Variants in ESRRB observed in about 807,000 individuals in gnomAD.
ESRRB encodes the protein steroid hormone receptor ERR2.
ESRRB carries 16 observed loss-of-function variants against 46.0 expected under a neutral mutation model. The ratio of observed to expected loss-of-function variants is 0.35; its 90% CI spans 0.24 to 0.53. The LOEUF (loss-of-function observed/expected upper bound fraction) is 0.53, where lower values mean the gene tolerates loss of function less well. Ranked by LOEUF, ESRRB falls within the 20% of genes least tolerant of loss-of-function variation. The pLI, the probability that ESRRB is intolerant of heterozygous loss-of-function variation, is 0.93. For missense variants in ESRRB, 488 were observed against 607.4 expected, an observed-to-expected ratio of 0.80 and a Z score of 2.07; for synonymous variants, 246 against 259.6, an observed-to-expected ratio of 0.95 and a Z score of 0.50.
At chr14:76,489,398 C>T (rs1453893145) in intron 5 of ESRRB, among the ~76,000 whole-genome samples, 1 of 149,116 alleles carries the variant, frequency 6.7e-6, no homozygotes, top group Admixed American at 6.7e-5. Context: ...CTCCCCCGGC[C>T]ACCACAGGCA....
intron 2 of ESRRB, among the ~76,000 whole-genome samples, chr14:76,447,785 C>G (rs1243282697): frequency 6.6e-6 from 1 of 152,154 alleles, no homozygotes; most frequent in Non-Finnish European, 1.5e-5. Context: ...CTTCAGATCA[C>G]TTGACCCAGC....
At chr14:76,353,778 G>A (rs12888057) in intron 1 of ESRRB, among the ~76,000 whole-genome samples, 34 of 151,794 alleles carry the variant, frequency 2.2e-4, no homozygotes, top group African/African-American at 7.2e-4. Flanking sequence ...ATAGTGAGAC[G>A]CTATGTCTCA....
At chr14:76,356,931 CT>C (rs1884385979) in intron 1 of ESRRB, among the ~76,000 whole-genome samples, 1 of 152,160 alleles carries the variant, frequency 6.6e-6, no homozygotes, top group Admixed American at 6.5e-5. Context: ...CTTGTTGGGC[CT>C]TTGATGGCCA....
At chr14:76,358,364 AAAG>A (rs1884418326) in intron 1 of ESRRB, among the ~76,000 whole-genome samples, 2 of 98,046 alleles carry the variant, frequency 2.0e-5, no homozygotes, top group African/African-American at 7.9e-5. Flanking sequence ...AGAAAGAAAG[AAAG>A]AAAGAAAGAA....
chr14:76,469,944 C>CTTTTTTTT (rs1178018542), intron 3 of ESRRB, among the ~76,000 whole-genome samples: 125 of 73,060 alleles, frequency 1.7e-3, no homozygotes, highest in Non-Finnish European at 2.3e-3. Context: ...TTTTTTTTTT[C>CTTTTTTTT]TTTTTTTTTT....
At chr14:76,423,424 G>A (rs867064450) in intron 1 of ESRRB, among the ~76,000 whole-genome samples, 90 of 152,162 alleles carry the variant, frequency 5.9e-4, no homozygotes, top group African/African-American at 1.7e-3. Context: ...GATTACAGGC[G>A]TGAGCCACCG....
intron 1 of ESRRB, among the ~76,000 whole-genome samples, chr14:76,394,322 C>T (rs151156313): frequency 6.1e-4 from 93 of 152,278 alleles, no homozygotes; most frequent in Non-Finnish European, 1.1e-3. Flanking sequence ...TTTGCTGATG[C>T]TCACGACAAT....
chr14:76,313,743 A>G (rs1366361745), intron 1 of ESRRB, among the ~76,000 whole-genome samples: 1 of 152,180 alleles, frequency 6.6e-6, no homozygotes, highest in African/African-American at 2.4e-5. Context: ...TCTACAGTAT[A>G]TCTGTCCATC....
chr14:76,331,433 C>T (rs1305880265), intron 1 of ESRRB, among the ~76,000 whole-genome samples: 2 of 152,174 alleles, frequency 1.3e-5, no homozygotes, highest in Admixed American at 6.5e-5. Flanking sequence ...CACAGCACAG[C>T]GCTGGCTCGT....
chr14:76,432,671 C>CTT (rs529243634), intron 1 of ESRRB, among the ~76,000 whole-genome samples: 6,698 of 111,322 alleles, frequency 0.06, 638 homozygotes, highest in East Asian at 0.19. Context: ...TTCTCTCTCT[C>CTT]TTTTTTTTTT....
At chr14:76,344,874 T>C (rs1595050535) in intron 1 of ESRRB, among the ~76,000 whole-genome samples, 1 of 151,940 alleles carries the variant, frequency 6.6e-6, no homozygotes, top group East Asian at 1.9e-4. Flanking sequence ...AATAATAGTG[T>C]CCAATCTCAT....
At chr14:76,380,783 G>A (rs2139799452) in intron 1 of ESRRB, among the ~76,000 whole-genome samples, 1 of 152,202 alleles carries the variant, frequency 6.6e-6, no homozygotes, top group African/African-American at 2.4e-5. Flanking sequence ...TCAACCTCTG[G>A]GGTCCTCCAG....
At chr14:76,433,179 G>A (rs1271737903) in intron 1 of ESRRB, among the ~76,000 whole-genome samples, 2 of 152,134 alleles carry the variant, frequency 1.3e-5, no homozygotes, top group South Asian at 2.1e-4. Flanking sequence ...GTGGGATCAG[G>A]TCTAGGAAGC....
chr14:76,489,479 A>ACACACACT (rs1414646049), intron 5 of ESRRB, among the ~76,000 whole-genome samples: 1 of 150,016 alleles, frequency 6.7e-6, no homozygotes, highest in African/African-American at 2.5e-5. Flanking sequence ...ACACACACAC[A>ACACACACT]CCCTGATCCC....
intron 1 of ESRRB, among the ~76,000 whole-genome samples, chr14:76,361,156 AC>A (rs1342786767): frequency 6.6e-6 from 1 of 152,190 alleles, no homozygotes; most frequent in African/African-American, 2.4e-5. Context: ...TTATATTGAG[AC>A]CATCCTACAT....
intron 1 of ESRRB, among the ~76,000 whole-genome samples, chr14:76,360,504 G>C (rs1304637780): frequency 6.6e-6 from 1 of 152,202 alleles, no homozygotes; most frequent in Non-Finnish European, 1.5e-5. Flanking sequence ...AAGTAGGCAA[G>C]AGAGAGCACT....
At chr14:76,495,822 A>G (rs1239861150) in intron 6 of ESRRB, among the ~76,000 whole-genome samples, 1 of 152,238 alleles carries the variant, frequency 6.6e-6, no homozygotes, top group Non-Finnish European at 1.5e-5. Flanking sequence ...TATATATAAC[A>G]GACATAAATA....
intron 1 of ESRRB, among the ~76,000 whole-genome samples, chr14:76,344,806 G>A (rs963204173): frequency 1.3e-5 from 2 of 150,124 alleles, no homozygotes; most frequent in African/African-American, 2.5e-5. Flanking sequence ...GAGCTGAGAC[G>A]GTGCCACTGC....
intron 1 of ESRRB, among the ~76,000 whole-genome samples, chr14:76,334,218 G>A (rs1884098524): frequency 6.6e-6 from 1 of 152,170 alleles, no homozygotes; most frequent in African/African-American, 2.4e-5. Context: ...GGGTGGCGAG[G>A]GGGACGGAGG....
Sources: gnomAD v4.1 joint callset for allele counts (sites outside exome capture counted in the v4.1 genomes callset) on GRCh38, gnomAD v4.1.1 for gene constraint, MANE v1.5 for transcripts, NCBI Gene and HGNC (gene_info 2026-07-23, HGNC 2026-07-21) for gene names.